The following NPDC1 variants were observed in gnomAD, a reference collection of about 807,000 sequenced individuals.
NPDC1 encodes neural proliferation differentiation and control protein 1.
A neutral mutation model predicts 32.5 loss-of-function variants in NPDC1; 18 were observed. The ratio of observed to expected loss-of-function variants is 0.55; its 90% CI spans 0.38 to 0.82. NPDC1 has a LOEUF of 0.82. NPDC1 is among the 40% of genes least tolerant of loss of function. The pLI is 0.00. For synonymous variants in NPDC1, 210 were observed against 184.7 expected, an observed-to-expected ratio of 1.14 and a Z score of -1.11; for missense variants, 468 against 406.6, an observed-to-expected ratio of 1.15 and a Z score of -1.30.
chr9:137,040,688 G>A lies in NPDC1; in HGVS notation c.606C>T (p.Ala202=), dbSNP rs1166187364. 1 of 1,583,968 alleles carries A rather than the reference G, an allele frequency of 6.3e-7. No homozygotes were observed. Among genetic ancestry groups the A allele is most frequent in the Admixed American group, 1.8e-5 (1 of 55,530 alleles). ...TGGCTCACCTGCACCAGCAGAGGGA[G>A]GCTACGGAGAGGGCGGCTGCACCGG... is the stretch of plus-strand genomic sequence containing the variant. ...CVAGAAALSV[A]SLCWCRLQRE... Residue 202 remains alanine, a synonymous_variant, in exon 5 of 9, where the codon GCC becomes GCT. Transcript: ENST00000371601.
At chr9:137,041,814 C>T (rs1049069975) in intron 2 of NPDC1, among the ~76,000 whole-genome samples, 1 of 152,266 alleles carries the variant, frequency 6.6e-6, no homozygotes, top group African/African-American at 2.4e-5. Flanking sequence ...AAAGCCCTCA[C>T]CACACCTGAA....
At chr9:137,043,493 G>C in intron 1 of NPDC1, 1 of 611,432 alleles carries the variant, frequency 1.6e-6, no homozygotes, top group Non-Finnish European at 3.0e-6. Context: ...TCTCTGGGGA[G>C]CAGCAAACGA....
Position 137,046,135 on chromosome 9 carries a change from A to G in NPDC1, c.-146T>C. The G allele has an allele frequency of 9.1e-7, 1 of 1,093,510 alleles. No individual in the cohort carries two copies. The highest frequency in any genetic ancestry group is 1.1e-6 in the Non-Finnish European group (1 of 899,132). The allele number at this position is 1,093,510 out of a possible 1,614,324, so 67.7% of individuals were successfully genotyped here. ...GATGCCAAGGAGGAGGAGGAGGAAG[A>G]GGAAAGGCACGGGCGGCGGCGCTGA... On this transcript the variant is annotated 5_prime_UTR_variant, in exon 1 of 9. Coordinates refer to ENST00000371601, the MANE Select transcript of NPDC1 (RefSeq NM_015392.4).
Position 137,041,180 on chromosome 9 carries a change from G to A in NPDC1, c.267C>T (p.Gly89=). The change falls in exon 3 of 9, where the codon GGC becomes GGT. Residue 89 remains glycine, a synonymous_variant. Coordinates refer to ENST00000371601, the MANE Select transcript of NPDC1 (RefSeq NM_015392.4). ...CATCTTCCAGTCTGGGCTGGGGCCG[G>A]CCCCCGCCTGGGGAGGGTGAGGGGC... The part of the protein sequence containing the change: ...VPRMRRPPGG[G]RPQPRLEDEI... The A allele has an allele frequency of 6.9e-7, 1 of 1,439,896 alleles. No homozygotes were observed. The highest frequency in any genetic ancestry group is 9.1e-7 in the Non-Finnish European group (1 of 1,095,388). The allele number at this position is 1,439,896 out of a possible 1,614,324, so 89.2% of individuals were successfully genotyped here.
intron 1 of NPDC1, among the ~76,000 whole-genome samples, chr9:137,045,372 C>T (rs995390756): frequency 2.6e-5 from 4 of 152,286 alleles, no homozygotes; most frequent in Non-Finnish European, 5.9e-5. Context: ...TCAGCGCCCA[C>T]CATGGCGCAC....
chr9:137,040,073 T>TTG lies in NPDC1; in HGVS notation c.789-7_789-6insCA, dbSNP rs1832023246. The stretch of plus-strand genomic sequence containing the variant: ...CCTTGGGTGGCTCTTTATGCCTGGG[T>TTG]GGGGGGGGATCGCTGGGTCCTCCCC... On this transcript the variant is annotated splice_polypyrimidine_tract_variant and splice_region_variant and intron_variant, in intron 7 of 8. Transcript: ENST00000371601. The TTG allele has an allele frequency of 7.8e-6, 6 of 766,766 alleles. No individual in the cohort carries two copies. The highest frequency in any genetic ancestry group is 1.3e-5 in the South Asian group (1 of 74,200). 47.5% of individuals were successfully genotyped at this position (766,766 alleles called of 1,614,324 possible). A position where few individuals can be genotyped will look rare whatever the true frequency, so the allele number is the denominator to read the frequency against.
chr9:137,040,684 G>C lies in NPDC1; in HGVS notation c.610C>G (p.Leu204Val). The change falls in exon 5 of 9, where the codon CTC becomes GTC. Residue 204 changes from leucine (L) to valine (V), a missense_variant. Leu to Val is a conservative substitution (Grantham distance 32). Transcript: ENST00000371601. ...CCACTGGCTCACCTGCACCAGCAGA[G>C]GGAGGCTACGGAGAGGGCGGCTGCA... ...AGAAALSVAS[L>V]CWCRLQREIR... The C allele has an allele frequency of 6.3e-7, 1 of 1,582,576 alleles. No individual in the cohort carries two copies. Among genetic ancestry groups the C allele is most frequent in the South Asian group, 1.1e-5 (1 of 87,468 alleles).
chr9:137,041,256 G>T, intron 2 of NPDC1, 69 bp from the exon 3 acceptor site: 1 of 1,335,300 alleles, frequency 7.5e-7, no homozygotes, highest in East Asian at 3.0e-5. Flanking sequence ...CGGCCTCCCC[G>T]CTTCTGGCAG....
At chr9:137,043,139 G>C (rs749092002) in intron 1 of NPDC1, 66 bp from the exon 2 acceptor site, 315 of 1,561,006 alleles carry the variant, frequency 2.0e-4, no homozygotes, top group Non-Finnish European at 2.4e-4. Context: ...GCACACGGCA[G>C]CGCTGCCCCA....
rs1476276896 is a variant in NPDC1 at position 137,039,653 on chromosome 9, C to T, written c.*119G>A. The T allele has an allele frequency of 5.0e-6, 3 of 598,664 alleles. No individual in the cohort carries two copies. Among genetic ancestry groups the T allele is most frequent in the Non-Finnish European group, 9.0e-6 (3 of 335,060 alleles). 37.1% of individuals were successfully genotyped at this position (598,664 alleles called of 1,614,324 possible). ...GGCAAGGGGTCCCAGGGCCTGGAGC[C>T]CGAGGCCCAGCCAAAAGCACACAGC... On this transcript the variant is annotated 3_prime_UTR_variant, in exon 9 of 9. Coordinates refer to ENST00000371601, the MANE Select transcript of NPDC1 (RefSeq NM_015392.4).
In NPDC1 at chr9:137,042,945, T is replaced by G. The variant is rs1322735250; in HGVS notation, c.241A>C (p.Arg81=). ...CTCGTACCTGGAGGCCGGCGCATCC[T>G]GGGCACACAGAGCCCTTGCTGGTCC... ...QEDQQGLCVP[R]MRRPPGGGRP... is the part of the protein sequence containing the mutation. Residue 81 remains arginine (R), a synonymous_variant, in exon 2 of 9, where the codon AGG becomes CGG. Coordinates refer to ENST00000371601, the MANE Select transcript of NPDC1 (RefSeq NM_015392.4). 6.2e-7 allele frequency: 1 copy of G among 1,603,374 alleles called. No individual in the cohort carries two copies. The highest frequency in any genetic ancestry group is 8.5e-7 in the Non-Finnish European group (1 of 1,173,538).
intron 1 of NPDC1, chr9:137,043,645 C>T (rs568963174): frequency 1.1e-5 from 5 of 474,838 alleles, no homozygotes; most frequent in African/African-American, 9.6e-5. Context: ...GTCTGCTGAC[C>T]TCACTGGCCT....
chr9:137,046,144 A>C lies in NPDC1; in HGVS notation c.-155T>G, dbSNP rs1832127073. On this transcript the variant is annotated 5_prime_UTR_variant, in exon 1 of 9. Coordinates refer to ENST00000371601, the MANE Select transcript of NPDC1 (RefSeq NM_015392.4). The stretch of plus-strand genomic sequence containing the variant: ...GAGGAGGAGGAGGAAGAGGAAAGGC[A>C]CGGGCGGCGGCGCTGACGCTGCAGC... 3.7e-6 allele frequency: 4 copies of C among 1,087,616 alleles called. No individual in the cohort carries two copies. The highest frequency in any genetic ancestry group is 4.5e-6 in the Non-Finnish European group (4 of 895,628). 67.4% of individuals were successfully genotyped at this position (1,087,616 alleles called of 1,614,324 possible).
chr9:137,040,737 A>G lies in NPDC1; in HGVS notation c.557T>C (p.Val186Ala), dbSNP rs956654279. ...RGGQGDGLAL[V>A]LILAFCVAGA... ...GGCCACACAGAACGCCAGGATCAGCACTGCAGGAGGGGGCGTGTGAGGGCG... is the reference window on the plus strand; with the variant it reads ...GGCCACACAGAACGCCAGGATCAGCGCTGCAGGAGGGGGCGTGTGAGGGCG... Residue 186 changes from valine to alanine, a missense_variant and splice_region_variant, in exon 5 of 9, where the codon GTG (valine) becomes GCG (alanine). Transcript: ENST00000371601. The G allele has an allele frequency of 1.9e-6, 3 of 1,588,928 alleles. No homozygotes were observed. In the Admixed American group the frequency reaches 5.3e-5, roughly 28 times the overall value.
At position 137,039,957 on chromosome 9, in the gene NPDC1, C is replaced by T. The variant is rs373256290; in HGVS notation, c.885+14G>A. On this transcript the variant is annotated intron_variant, in intron 8 of 8. Transcript: ENST00000371601. ...GGAGATGGTTCGCCCCTCCCTGCAC[C>T]CTGAGGCACTCACCGGGGCCAGGCC... The T allele has an allele frequency of 1.8e-4, 138 of 779,016 alleles. 1 individual carries two copies. The Middle Eastern group carries it at 5.0e-3, about 28-fold the overall frequency. 48.3% of individuals were successfully genotyped at this position (779,016 alleles called of 1,614,324 possible).
At chr9:137,042,112 G>T (rs1832066020) in intron 2 of NPDC1, among the ~76,000 whole-genome samples, 2 of 152,222 alleles carry the variant, frequency 1.3e-5, no homozygotes, top group African/African-American at 2.4e-5. Context: ...ACTGCCCCAG[G>T]CCTGGGCCCA....
chr9:137,041,100 G>A lies in NPDC1; in HGVS notation c.347C>T (p.Pro116Leu), dbSNP rs551464781. The change falls in exon 3 of 9, where the codon CCG (proline) becomes CTG (leucine). Residue 116 changes from proline (P) to leucine (L), a missense_variant. Coordinates refer to ENST00000371601, the MANE Select transcript of NPDC1 (RefSeq NM_015392.4). ...CCGCTGTCGGTCCTTGGGTAGGGGC[G>A]GAGTTGAGTGTCCAGACTCCTTCCG... Reference protein sequence around the residue: ...LARKESGHSTPPLPKDRQRLP... With the variant: ...LARKESGHSTLPLPKDRQRLP... 1.2e-5 allele frequency: 19 copies of A among 1,530,636 alleles called. No homozygotes were observed. The highest frequency in any genetic ancestry group is 9.2e-5 in the East Asian group (4 of 43,624). The allele number at this position is 1,530,636 out of a possible 1,614,324, so 94.8% of individuals were successfully genotyped here.
chr9:137,042,468 A>G (rs887614641), intron 2 of NPDC1, among the ~76,000 whole-genome samples: 9 of 151,638 alleles, frequency 5.9e-5, no homozygotes, highest in East Asian at 1.9e-4. Flanking sequence ...CGTGTTAGCC[A>G]GGATGGTCTC....
At chr9:137,041,628 G>A (rs1832057841) in intron 2 of NPDC1, among the ~76,000 whole-genome samples, 1 of 152,184 alleles carries the variant, frequency 6.6e-6, no homozygotes, top group African/African-American at 2.4e-5. Context: ...CAGCTGTCAG[G>A]GGTGGGGCTG....
Sources: gnomAD v4.1 joint callset for allele counts (sites outside exome capture counted in the v4.1 genomes callset) on GRCh38, gnomAD v4.1.1 for gene constraint, MANE v1.5 for transcripts, NCBI Gene and HGNC (gene_info 2026-07-23, HGNC 2026-07-21) for gene names.